Variants in NRG1 observed in about 807,000 individuals in gnomAD.
NRG1 encodes pro-neuregulin-1, membrane-bound isoform.
A neutral mutation model predicts 63.8 loss-of-function variants in NRG1; 18 were observed. The observed-to-expected ratio is 0.28, with a 90% CI of 0.19 to 0.42. The LOEUF is 0.42. Ranked by LOEUF, NRG1 falls within the 10% of genes least tolerant of loss-of-function variation. The probability of loss-of-function intolerance (pLI) is 1.00; values close to 1 mark genes in which losing one functional copy is unlikely to be tolerated. For missense variants in NRG1, 762 were observed against 814.7 expected (o/e 0.94, Z 0.79); for synonymous variants, 302 against 301.3 (o/e 1.00, Z -0.02).
At chr8:32,367,865 G>A (rs1808283204) in intron 1 of NRG1, among the ~76,000 whole-genome samples, 1 of 152,112 alleles carries the variant, frequency 6.6e-6, no homozygotes. Flanking sequence ...AGAGATTGGG[G>A]TCTAGCTTCA....
chr8:32,254,192 C>T (rs931370636), intron 1 of NRG1, among the ~76,000 whole-genome samples: 2 of 151,952 alleles, frequency 1.3e-5, no homozygotes, highest in African/African-American at 4.8e-5. Context: ...TATCTCCTTC[C>T]GTTCTGCTCT....
intron 5 of NRG1, among the ~76,000 whole-genome samples, chr8:32,630,307 A>G (rs1331479173): frequency 1.3e-5 from 2 of 152,214 alleles, no homozygotes; most frequent in East Asian, 1.9e-4. Context: ...TAGACACACC[A>G]ATTTAGTATG....
intron 1 of NRG1, among the ~76,000 whole-genome samples, chr8:32,052,857 G>A (rs968181987): frequency 2.0e-5 from 3 of 152,144 alleles, no homozygotes; most frequent in Admixed American, 2.0e-4. Context: ...AAACTGAGGA[G>A]AACCAGGGTT....
chr8:32,444,086 CCT>C (rs1207416574), intron 1 of NRG1, among the ~76,000 whole-genome samples: 3 of 148,670 alleles, frequency 2.0e-5, no homozygotes, highest in Non-Finnish European at 4.5e-5. Context: ...TCCCTCCCTC[CCT>C]CTCTCTTTCC....
At chr8:32,247,156 T>C (rs1424221922) in intron 1 of NRG1, among the ~76,000 whole-genome samples, 13 of 152,026 alleles carry the variant, frequency 8.6e-5, no homozygotes, top group Admixed American at 8.5e-4. Context: ...AATTTGAAAT[T>C]AACGAATAAA....
exon 5 of NRG1, chr8:32,616,862 C>T (rs201846672): frequency 6.2e-7 from 1 of 1,601,582 alleles, no homozygotes; most frequent in Admixed American, 1.7e-5. Flanking sequence ...TCAGTATCCA[C>T]AGAAGGAGCA....
intron 1 of NRG1, among the ~76,000 whole-genome samples, chr8:32,047,085 TCTCA>T (rs1180596374): frequency 6.6e-6 from 1 of 152,022 alleles, no homozygotes; most frequent in African/African-American, 2.4e-5. Context: ...GTTCTCAGTG[TCTCA>T]CTCACTTTAG....
intron 1 of NRG1, among the ~76,000 whole-genome samples, chr8:31,720,328 C>T (rs1812783961): frequency 6.6e-6 from 1 of 151,892 alleles, no homozygotes; most frequent in Non-Finnish European, 1.5e-5. Flanking sequence ...GCCTTTTTTT[C>T]CAACTTTTAA....
chr8:32,010,383 T>C (rs913172672), intron 1 of NRG1, among the ~76,000 whole-genome samples: 1 of 152,094 alleles, frequency 6.6e-6, no homozygotes, highest in African/African-American at 2.4e-5. Context: ...ATCTTTCCTT[T>C]CACTTCATTC....
At chr8:32,684,343 A>G (rs925732462) in intron 5 of NRG1, among the ~76,000 whole-genome samples, 6 of 152,252 alleles carry the variant, frequency 3.9e-5, no homozygotes, top group African/African-American at 1.4e-4. Context: ...AAAATATTTG[A>G]TTTTTGCTTT....
intron 1 of NRG1, among the ~76,000 whole-genome samples, chr8:32,587,505 A>C (rs1191352689): frequency 6.6e-6 from 1 of 152,100 alleles, no homozygotes; most frequent in Non-Finnish European, 1.5e-5. Flanking sequence ...GCAGAGCGGC[A>C]TAAGAGTCCT....
intron 1 of NRG1, among the ~76,000 whole-genome samples, chr8:32,138,486 G>C (rs1377297376): frequency 1.3e-5 from 2 of 151,854 alleles, no homozygotes; most frequent in Admixed American, 1.3e-4. Flanking sequence ...TGGTAACCAG[G>C]ACACATTGGT....
At chr8:31,826,427 A>G (rs963237569) in intron 1 of NRG1, among the ~76,000 whole-genome samples, 5 of 152,156 alleles carry the variant, frequency 3.3e-5, no homozygotes, top group Non-Finnish European at 7.4e-5. Flanking sequence ...GAGTTCCCCT[A>G]CACATGCTCC....
intron 1 of NRG1, among the ~76,000 whole-genome samples, chr8:31,966,330 C>T (rs1379634160): frequency 6.6e-6 from 1 of 152,170 alleles, no homozygotes; most frequent in East Asian, 1.9e-4. Flanking sequence ...CTTGCTTTTG[C>T]ATTCTGGAGT....
rs369890069 is a variant in NRG1 at position 32,373,035 on chromosome 8, T to A, written c.38-222793T>A. 3.2e-4 allele frequency among the ~76,000 whole-genome samples: 49 copies of A among 152,206 alleles called. 2 individuals are homozygous for A. In the East Asian group the frequency reaches 5.2e-3, roughly 16 times the overall value. The stretch of plus-strand genomic sequence containing the variant: ...CATCTGAAGGAGAAATTAATCTCCG[T>A]GAGTAGGTGACAAGCTGCGATAAGC... On this transcript the variant is annotated intron_variant, in intron 1 of 10. Transcript: ENST00000519301.
At chr8:32,133,712 G>A (rs1305294268) in intron 1 of NRG1, among the ~76,000 whole-genome samples, 4 of 151,986 alleles carry the variant, frequency 2.6e-5, no homozygotes, top group African/African-American at 4.8e-5. Flanking sequence ...ATCTCCTGTT[G>A]GTTTGAGAAT....
intron 1 of NRG1, among the ~76,000 whole-genome samples, chr8:32,267,181 GAGAA>G (rs949658898): frequency 2.1e-5 from 3 of 144,590 alleles, no homozygotes; most frequent in South Asian, 2.1e-4. Flanking sequence ...AGGAAGGAAG[GAGAA>G]AGAAGGAAGG....
chr8:32,413,090 AAAC>A (rs1815342153), intron 1 of NRG1, among the ~76,000 whole-genome samples: 1 of 152,216 alleles, frequency 6.6e-6, no homozygotes, highest in Non-Finnish European at 1.5e-5. Context: ...CAAAAGCCTG[AAAC>A]ATGTGCATAT....
chr8:32,406,496 A>G (rs766605610), intron 1 of NRG1, among the ~76,000 whole-genome samples: 26 of 152,278 alleles, frequency 1.7e-4, no homozygotes, highest in Admixed American at 5.9e-4. Flanking sequence ...CAAGCACTGT[A>G]TATATCCTGA....
Sources: gnomAD v4.1 joint callset for allele counts (sites outside exome capture counted in the v4.1 genomes callset) on GRCh38, gnomAD v4.1.1 for gene constraint, MANE v1.5 for transcripts, NCBI Gene and HGNC (gene_info 2026-07-23, HGNC 2026-07-21) for gene names.